The following MAP3K4 variants were observed in gnomAD, a reference collection of about 807,000 sequenced individuals.
The protein encoded by MAP3K4 is mitogen-activated protein kinase kinase kinase 4.
Under a neutral mutation model 185.6 loss-of-function variants are expected in MAP3K4, and 67 were observed. That is an observed-to-expected ratio of 0.36 (90% CI 0.30 to 0.44). The LOEUF is 0.44. Among genes scored for constraint, MAP3K4 ranks in the 20% least tolerant of loss-of-function variants. The probability of loss-of-function intolerance (pLI) is 1.00; values close to 1 mark genes in which losing one functional copy is unlikely to be tolerated. For missense variants in MAP3K4, 1,551 were observed against 1,995.1 expected, an observed-to-expected ratio of 0.78 and a Z score of 4.24; for synonymous variants, 702 against 710.4, an observed-to-expected ratio of 0.99 and a Z score of 0.19.
In MAP3K4 at chr6:161,008,837, A is replaced by G. The variant is rs560466073; in HGVS notation, c.152+16754A>G. On this transcript the variant is annotated intron_variant, in intron 1 of 26. Transcript: ENST00000392142. The surrounding 1 kb of genome is among the most constrained non-coding windows in gnomAD (Gnocchi z 4.1). ...AGCATGGTGCTTGTGAGGTTCATCT[A>G]TGTTGTTTTGGTTGATGGTGGTTCT... 9.2e-5 allele frequency among the ~76,000 whole-genome samples: 14 copies of G among 152,078 alleles called. No homozygotes were observed. In the East Asian group the frequency reaches 2.3e-3, roughly 25 times the overall value.
In MAP3K4 at chr6:161,110,027, T is replaced by C. The variant is rs1182126184; in HGVS notation, c.4396+113T>C. ...CACATATGATTTCTCTAGATGGAAA[T>C]ACCTTTCATTGAAATACGCCTCTAT... On this transcript the variant is annotated intron_variant, in intron 23 of 26. Transcript: ENST00000392142. This position sits in a 1 kb window ranked among gnomAD's most constrained non-coding sequence, Gnocchi z 4.8. 1.1e-5 allele frequency: 13 copies of C among 1,137,424 alleles called. No individual in the cohort carries two copies. Among genetic ancestry groups the C allele is most frequent in the Non-Finnish European group, 1.5e-5 (12 of 783,674 alleles). 70.5% of individuals were successfully genotyped at this position (1,137,424 alleles called of 1,614,324 possible). A position where few individuals can be genotyped will look rare whatever the true frequency, so the allele number is the denominator to read the frequency against.
At position 161,087,930 on chromosome 6, in the gene MAP3K4, T is replaced by C. The variant is rs747833278; in HGVS notation, c.2799T>C (p.Thr933=). ...QPVKVVPQVE[T]VDTLRSMQVD... The stretch of plus-strand genomic sequence containing the variant: ...TCAAAGTCGTGCCTCAGGTGGAGAC[T>C]GTTGACACCCTGAGAAGCATGCAGG... Residue 933 remains threonine, a synonymous_variant, in exon 10 of 27, where the codon ACT becomes ACC. Transcript: ENST00000392142. This position sits in a 1 kb window ranked among gnomAD's most constrained non-coding sequence, Gnocchi z 4.9. The C allele has an allele frequency of 6.2e-7, 1 of 1,613,690 alleles. No homozygotes were observed. The highest frequency in any genetic ancestry group is 1.1e-5 in the South Asian group (1 of 90,956).
chr6:161,027,912 G>A (rs1782749026), intron 1 of MAP3K4, among the ~76,000 whole-genome samples: 3 of 152,224 alleles, frequency 2.0e-5, no homozygotes, highest in Admixed American at 2.0e-4. Flanking sequence ...AGTTAAGTTG[G>A]TGCTGGCTGT....
intron 5 of MAP3K4, among the ~76,000 whole-genome samples, chr6:161,079,651 G>A (rs1242846338): frequency 6.6e-6 from 1 of 152,180 alleles, no homozygotes. Flanking sequence ...CCTCAGGAAG[G>A]AAAAACACGG....
chr6:161,107,344 G>A lies in MAP3K4; in HGVS notation c.4049-555G>A, dbSNP rs999613480. 6.6e-6 allele frequency among the ~76,000 whole-genome samples: 1 copy of A among 152,138 alleles called. No homozygotes were observed. The highest frequency in any genetic ancestry group is 2.4e-5 in the African/African-American group (1 of 41,434). On this transcript the variant is annotated intron_variant, in intron 20 of 26. Coordinates refer to ENST00000392142, the MANE Select transcript of MAP3K4 (RefSeq NM_005922.4). This position sits in a 1 kb window ranked among gnomAD's most constrained non-coding sequence, Gnocchi z 6.2. ...GCCTGAGGAAACCTGATGTTTCCTT[G>A]GAGCTATCAAGGAGGGCAAAAACCA...
At position 161,097,315 on chromosome 6, in the gene MAP3K4, A is replaced by G. The variant is rs1406435412; in HGVS notation, c.3524+139A>G. ...TTCGTACGTAAAAGCTCTTACTTGC[A>G]TTATCTTGAAACCTTTAGTCGCAAA... On this transcript the variant is annotated intron_variant, in intron 16 of 26. Transcript: ENST00000392142. The surrounding 1 kb of genome is among the most constrained non-coding windows in gnomAD (Gnocchi z 4.9). 3.2e-6 allele frequency: 2 copies of G among 631,932 alleles called. No homozygotes were observed. The highest frequency in any genetic ancestry group is 2.7e-6 in the Non-Finnish European group (1 of 372,642). The allele number at this position is 631,932 out of a possible 1,614,324, so 39.1% of individuals were successfully genotyped here.
intron 5 of MAP3K4, among the ~76,000 whole-genome samples, chr6:161,079,685 T>G (rs1420157429): frequency 6.6e-6 from 1 of 151,400 alleles, no homozygotes; most frequent in Non-Finnish European, 1.5e-5. Flanking sequence ...CACCAAGAAG[T>G]GAAAGGGCGG....
rs909755516 is a variant in MAP3K4 at position 161,115,026 on chromosome 6, T to A, written c.4627-97T>A. Reference sequence around the variant, plus strand: ...AGTAAAAATTTGCTGTCCCCTGATATATATTAATGATGAGATGCTTAAAAA... The same window carrying A: ...AGTAAAAATTTGCTGTCCCCTGATAAATATTAATGATGAGATGCTTAAAAA... On this transcript the variant is annotated intron_variant, in intron 25 of 26. Coordinates refer to ENST00000392142, the MANE Select transcript of MAP3K4 (RefSeq NM_005922.4). The surrounding 1 kb of genome is among the most constrained non-coding windows in gnomAD (Gnocchi z 6.0). 9.0e-7 allele frequency: 1 copy of A among 1,105,226 alleles called. No homozygotes were observed. The highest frequency in any genetic ancestry group is 1.6e-5 in the African/African-American group (1 of 63,938). 68.5% of individuals were successfully genotyped at this position (1,105,226 alleles called of 1,614,324 possible).
rs938411176 is a variant in MAP3K4, at chr6:161,074,427, G to A, written c.2097+815G>A. 4.6e-5 allele frequency among the ~76,000 whole-genome samples: 7 copies of A among 152,064 alleles called. No homozygotes were observed. Among genetic ancestry groups the A allele is most frequent in the African/African-American group, 1.7e-4 (7 of 41,396 alleles). On this transcript the variant is annotated intron_variant, in intron 5 of 26. Coordinates refer to ENST00000392142, the MANE Select transcript of MAP3K4 (RefSeq NM_005922.4). The surrounding 1 kb of genome is among the most constrained non-coding windows in gnomAD (Gnocchi z 5.0). The stretch of plus-strand genomic sequence containing the variant: ...CTGCCTATTTAAGGCTTACTTTCAG[G>A]TTTTATTTTTCTCTAGAAAGCTTTA...
intron 3 of MAP3K4, among the ~76,000 whole-genome samples, chr6:161,059,288 A>G (rs1305758029): frequency 6.6e-6 from 1 of 152,028 alleles, no homozygotes; most frequent in Non-Finnish European, 1.5e-5. Flanking sequence ...GGCGTGTGCA[A>G]CCACACCTGG....
At position 160,992,044 on chromosome 6, in the gene MAP3K4, C is replaced by A; in HGVS notation, c.113C>A (p.Pro38His). Reference sequence around the variant, plus strand: ...CCGCCGCCACCACCGCCACCGGAACCCGAGACCGAGTCAGAACCCGAGTGC... The same window carrying A: ...CCGCCGCCACCACCGCCACCGGAACACGAGACCGAGTCAGAACCCGAGTGC... ...PPPPPPPPPE[P>H]ETESEPECCL... Residue 38 changes from proline (P) to histidine (H), a missense_variant, in exon 1 of 27, where the codon CCC (proline) becomes CAC (histidine). By Grantham distance (77) the Pro-to-His change is moderately conservative. Coordinates refer to ENST00000392142, the MANE Select transcript of MAP3K4 (RefSeq NM_005922.4). The A allele has an allele frequency of 6.3e-7, 1 of 1,579,964 alleles. No homozygotes were observed. Among genetic ancestry groups the A allele is most frequent in the East Asian group, 2.4e-5 (1 of 42,242 alleles).
intron 19 of MAP3K4, among the ~76,000 whole-genome samples, chr6:161,105,491 A>G (rs1778025158): frequency 1.3e-5 from 2 of 152,204 alleles, no homozygotes; most frequent in Admixed American, 6.5e-5. Flanking sequence ...CCAGCATTTT[A>G]TCCCAGGCAT....
intron 2 of MAP3K4, among the ~76,000 whole-genome samples, chr6:161,038,104 G>T (rs182796245): frequency 6.7e-6 from 1 of 150,114 alleles, no homozygotes; most frequent in Non-Finnish European, 1.5e-5. Flanking sequence ...TCCTCCCTCT[G>T]TTCTTTCCTT....
intron 1 of MAP3K4, among the ~76,000 whole-genome samples, chr6:161,031,376 A>G (rs974332904): frequency 3.9e-5 from 6 of 152,228 alleles, no homozygotes; most frequent in Admixed American, 6.5e-5. Context: ...CTGGGTCCCC[A>G]ATGTAAAGTC....
chr6:161,098,344 TG>T lies in MAP3K4; in HGVS notation c.3592del (p.Ala1198LeufsTer41). 6.2e-7 allele frequency: 1 copy of T among 1,613,328 alleles called. No individual in the cohort carries two copies. The highest frequency in any genetic ancestry group is 8.5e-7 in the Non-Finnish European group (1 of 1,179,880). ...SPAAAAAAAA[A>X]AVAASRPSPS... is the part of the protein sequence containing the mutation. ...CTGCTGCTGCTGCTGCTGCTGCTGC[TG>T]CTGCTGTTGCTGCCAGTCGGCCCAG... On this transcript the variant is annotated frameshift_variant, in exon 17 of 27. Coordinates refer to ENST00000392142, the MANE Select transcript of MAP3K4 (RefSeq NM_005922.4). LOFTEE classifies it high-confidence loss of function. This position sits in a 1 kb window ranked among gnomAD's most constrained non-coding sequence, Gnocchi z 4.4.
At position 161,086,476 on chromosome 6, in the gene MAP3K4, A is replaced by C; in HGVS notation, c.2470A>C (p.Lys824Gln). Residue 824 changes from lysine (K) to glutamine (Q), a missense_variant and splice_region_variant, in exon 8 of 27, where the codon AAG becomes CAG. Physicochemically the swap from Lys to Gln is moderately conservative, Grantham distance 53. This residue lies in a region of MAP3K4 where 6 missense variants were observed against 24.9 expected (regional missense o/e 0.24). Transcript: ENST00000392142. This position sits in a 1 kb window ranked among gnomAD's most constrained non-coding sequence, Gnocchi z 4.8. ...KALGFAKMLR[K>Q]DLEIAAEFRL... ...ACTTGGATTTGCTAAAATGTTGAGA[A>C]AGGTGAGCTTGCAATCCTGATTAAT... 6.2e-7 allele frequency: 1 copy of C among 1,613,696 alleles called. No homozygotes were observed. Among genetic ancestry groups the C allele is most frequent in the Non-Finnish European group, 8.5e-7 (1 of 1,179,786 alleles).
Position 161,103,447 on chromosome 6 carries a change from G to A in MAP3K4, c.3856+668G>A, listed in dbSNP as rs1035049785. Among the ~76,000 whole-genome samples, 2 of 152,202 alleles carry A rather than the reference G, an allele frequency of 1.3e-5. No homozygotes were observed. The highest frequency in any genetic ancestry group is 2.4e-5 in the African/African-American group (1 of 41,456). ...AGATGTCTGGAAGGATTTTGTGGAG[G>A]GAGGAGACTGGGCTGGCCCTTTGAA... On this transcript the variant is annotated intron_variant, in intron 19 of 26. Coordinates refer to ENST00000392142, the MANE Select transcript of MAP3K4 (RefSeq NM_005922.4). The surrounding 1 kb of genome is among the most constrained non-coding windows in gnomAD (Gnocchi z 4.6).
rs1462229679 is a variant in MAP3K4, at chr6:161,071,888, C to T, written c.1950+1038C>T. ...GACATTTTGGGAAAATACTTCTCAG[C>T]TTCCTTCTTTATGAAAGAAATACTT... On this transcript the variant is annotated intron_variant, in intron 4 of 26. Coordinates refer to ENST00000392142, the MANE Select transcript of MAP3K4 (RefSeq NM_005922.4). The surrounding 1 kb of genome is among the most constrained non-coding windows in gnomAD (Gnocchi z 4.6). Among the ~76,000 whole-genome samples the T allele has an allele frequency of 2.6e-5, 4 of 152,176 alleles. No individual in the cohort carries two copies. The highest frequency in any genetic ancestry group is 9.7e-5 in the African/African-American group (4 of 41,450).
In MAP3K4 at chr6:161,110,040, A is replaced by T. The variant is rs183800844; in HGVS notation, c.4396+126A>T. On this transcript the variant is annotated intron_variant, in intron 23 of 26. Transcript: ENST00000392142. The surrounding 1 kb of genome is among the most constrained non-coding windows in gnomAD (Gnocchi z 4.8). Reference sequence around the variant, plus strand: ...TCTAGATGGAAATACCTTTCATTGAAATACGCCTCTATAAGGATCCTGTAT... The same window carrying T: ...TCTAGATGGAAATACCTTTCATTGATATACGCCTCTATAAGGATCCTGTAT... 3.4e-4 allele frequency: 338 copies of T among 982,388 alleles called. 1 individual carries two copies. In the East Asian group the frequency reaches 6.1e-3, roughly 18 times the overall value. 60.9% of individuals were successfully genotyped at this position (982,388 alleles called of 1,614,324 possible).
Sources: gnomAD v4.1 joint callset for allele counts (sites outside exome capture counted in the v4.1 genomes callset) on GRCh38, gnomAD v4.1.1 for gene constraint, gnomAD v4.1.1 regional missense constraint, Gnocchi (gnomAD v3.1) non-coding constraint, MANE v1.5 for transcripts, NCBI Gene and HGNC (gene_info 2026-07-23, HGNC 2026-07-21) for gene names.